Variants in MIPEP observed in about 807,000 individuals in gnomAD.
MIPEP encodes mitochondrial intermediate peptidase.
Under a neutral mutation model 90.3 loss-of-function variants are expected in MIPEP, and 79 were observed. That is an observed-to-expected ratio of 0.87 (90% CI 0.73 to 1.05). The LOEUF (loss-of-function observed/expected upper bound fraction) is 1.05, where lower values mean the gene tolerates loss of function less well. Ranked by LOEUF, MIPEP falls within the 50% of genes least tolerant of loss-of-function variation. MIPEP has a pLI of 0.00. For synonymous variants in MIPEP, 334 were observed against 315.8 expected (o/e 1.06, Z -0.61); for missense variants, 940 against 905.6 (o/e 1.04, Z -0.49).
At chr13:23,733,499 C>G (rs1479165454) in intron 18 of MIPEP, among the ~76,000 whole-genome samples, 3 of 152,100 alleles carry the variant, frequency 2.0e-5, no homozygotes, top group African/African-American at 7.2e-5. Flanking sequence ...TGTGGAGACA[C>G]AACCCTTGTC....
intron 16 of MIPEP, among the ~76,000 whole-genome samples, chr13:23,774,409 G>A (rs1017787625): frequency 6.6e-6 from 1 of 152,108 alleles, no homozygotes; most frequent in Non-Finnish European, 1.5e-5. Context: ...ATTTCCGTGA[G>A]AAATTTTATT....
At chr13:23,817,312 GA>G (rs2137422454) in intron 14 of MIPEP, among the ~76,000 whole-genome samples, 1 of 152,320 alleles carries the variant, frequency 6.6e-6, no homozygotes. Flanking sequence ...CTATCATGAA[GA>G]AACTTGTAAA....
At chr13:23,817,557 G>A (rs1343784115) in intron 14 of MIPEP, among the ~76,000 whole-genome samples, 1 of 152,036 alleles carries the variant, frequency 6.6e-6, no homozygotes, top group African/African-American at 2.4e-5. Flanking sequence ...CTGCCTTACT[G>A]TTCTTTAATA....
intron 2 of MIPEP, among the ~76,000 whole-genome samples, chr13:23,882,104 C>G (rs1194251141): frequency 6.8e-6 from 1 of 146,186 alleles, no homozygotes; most frequent in Admixed American, 6.9e-5. Flanking sequence ...GAGTCTTGCT[C>G]CGTCGCCCAG....
chr13:23,783,940 G>T (rs1362476530), intron 16 of MIPEP, among the ~76,000 whole-genome samples: 7 of 152,106 alleles, frequency 4.6e-5, no homozygotes, highest in African/African-American at 1.7e-4. Context: ...CACTGCTCGA[G>T]GAAATAAAAG....
intron 5 of MIPEP, 55 bp downstream of exon 5, chr13:23,874,791 A>T: frequency 1.4e-6 from 2 of 1,417,202 alleles, no homozygotes; most frequent in Non-Finnish European, 1.9e-6. Flanking sequence ...CAATAATGGT[A>T]TCAACTAAAT....
chr13:23,825,409 T>C (rs1187556244), intron 14 of MIPEP, among the ~76,000 whole-genome samples: 1 of 152,160 alleles, frequency 6.6e-6, no homozygotes, highest in Non-Finnish European at 1.5e-5. Flanking sequence ...ACTTAAGCAA[T>C]TTTAGCCTTG....
At chr13:23,875,723 T>C (rs1380670331) in intron 4 of MIPEP, among the ~76,000 whole-genome samples, 1 of 152,130 alleles carries the variant, frequency 6.6e-6, no homozygotes, top group Admixed American at 6.5e-5. Context: ...ACAATATAGG[T>C]CTATTATGTA....
rs1480079311 is a variant in MIPEP at position 23,767,881 on chromosome 13, C to T, written c.1849-7664G>A. 2.0e-5 allele frequency among the ~76,000 whole-genome samples: 3 copies of T among 152,276 alleles called. No individual in the cohort carries two copies. The East Asian group carries it at 5.8e-4, about 29-fold the overall frequency. On this transcript the variant is annotated intron_variant, in intron 16 of 18. Coordinates refer to ENST00000382172, the MANE Select transcript of MIPEP (RefSeq NM_005932.4). ...GTAAGTGTTCCTTCCTTCATTTTCCCCTTTTTCCTTTTAGAAACAGAATAA... is the reference window on the plus strand; with the variant it reads ...GTAAGTGTTCCTTCCTTCATTTTCCTCTTTTTCCTTTTAGAAACAGAATAA...
Position 23,889,370 on chromosome 13 carries a change from C to A in MIPEP, c.-50G>T. On this transcript the variant is annotated 5_prime_UTR_variant, in exon 1 of 19. Transcript: ENST00000382172. ...TCCAACGCAGATCCCTGCCCTGCTG[C>A]TTTCGCTGGGAGCGCGCGCTCCGCG... 6.4e-6 allele frequency: 8 copies of A among 1,242,672 alleles called. No homozygotes were observed. The highest frequency in any genetic ancestry group is 7.1e-6 in the Non-Finnish European group (7 of 990,996). The allele number at this position is 1,242,672 out of a possible 1,614,324, so 77.0% of individuals were successfully genotyped here. A position where few individuals can be genotyped will look rare whatever the true frequency, so the allele number is the denominator to read the frequency against.
At chr13:23,874,420 AGTGTAAACACT>A (rs1286222130) in intron 5 of MIPEP, among the ~76,000 whole-genome samples, 1 of 151,794 alleles carries the variant, frequency 6.6e-6, no homozygotes, top group East Asian at 1.9e-4. Flanking sequence ...CCTCCATCCC[AGTGTAAACACT>A]GTGTAATCTA....
chr13:23,807,010 T>C (rs17337965), intron 15 of MIPEP, among the ~76,000 whole-genome samples: 16,760 of 151,642 alleles, frequency 0.11, 1,065 homozygotes, highest in Non-Finnish European at 0.14. Flanking sequence ...GTTGGAGAGG[T>C]TGGAACTAGA....
chr13:23,831,900 A>G (rs1319226999), intron 14 of MIPEP, among the ~76,000 whole-genome samples: 3 of 152,174 alleles, frequency 2.0e-5, no homozygotes, highest in African/African-American at 7.2e-5. Context: ...TGCTGGGTAT[A>G]GGGGTTTAGA....
chr13:23,887,291 A>G (rs181627251), intron 1 of MIPEP, among the ~76,000 whole-genome samples: 25 of 152,324 alleles, frequency 1.6e-4, no homozygotes, highest in African/African-American at 5.3e-4. Context: ...CACACTCAGG[A>G]AGGCAGGGGG....
chr13:23,742,261 T>G (rs529482677), intron 18 of MIPEP, among the ~76,000 whole-genome samples: 2 of 152,358 alleles, frequency 1.3e-5, no homozygotes, highest in South Asian at 4.1e-4. Flanking sequence ...TTTTTCATTT[T>G]CTAAATAAAA....
At chr13:23,835,257 G>A (rs1868984707) in intron 14 of MIPEP, among the ~76,000 whole-genome samples, 1 of 151,916 alleles carries the variant, frequency 6.6e-6, no homozygotes, top group Non-Finnish European at 1.5e-5. Context: ...CCAAGCTCAG[G>A]TGATCCACCT....
At chr13:23,888,716 A>G (rs1282262123) in intron 1 of MIPEP, 6 of 1,005,110 alleles carry the variant, frequency 6.0e-6, no homozygotes, top group Non-Finnish European at 7.1e-6. Context: ...TTGCAAAAAG[A>G]CCATGTGATG....
chr13:23,818,790 T>C (rs900944203), intron 14 of MIPEP, among the ~76,000 whole-genome samples: 1 of 152,182 alleles, frequency 6.6e-6, no homozygotes. Context: ...AAGCCTAATT[T>C]AAAATATGTA....
At chr13:23,809,427 C>T (rs1050365667) in intron 15 of MIPEP, among the ~76,000 whole-genome samples, 36 of 152,038 alleles carry the variant, frequency 2.4e-4, no homozygotes, top group African/African-American at 8.7e-4. Context: ...TCACTTCAAC[C>T]TCCACCTCCC....
Sources: gnomAD v4.1 joint callset for allele counts (sites outside exome capture counted in the v4.1 genomes callset) on GRCh38, gnomAD v4.1.1 for gene constraint, MANE v1.5 for transcripts, NCBI Gene and HGNC (gene_info 2026-07-23, HGNC 2026-07-21) for gene names.